ROBO1: variants seen among roughly 807,000 people sequenced by gnomAD.
The protein encoded by ROBO1 is roundabout guidance receptor 1.
In ROBO1, 149 loss-of-function variants were observed where a neutral mutation model predicts 195.9. The ratio of observed to expected loss-of-function variants is 0.76; its 90% CI spans 0.67 to 0.87. The LOEUF (loss-of-function observed/expected upper bound fraction) is 0.87, where lower values mean the gene tolerates loss of function less well. Ranked by LOEUF, ROBO1 falls within the 40% of genes least tolerant of loss-of-function variation. The pLI, the probability that ROBO1 is intolerant of heterozygous loss-of-function variation, is 0.00. For missense variants in ROBO1, 1,933 were observed against 2,068.3 expected, an observed-to-expected ratio of 0.93 and a Z score of 1.27; for synonymous variants, 816 against 733.2, an observed-to-expected ratio of 1.11 and a Z score of -1.82.
intron 27 of ROBO1, among the ~76,000 whole-genome samples, chr3:78,615,470 G>A (rs1405281350): frequency 6.6e-6 from 1 of 152,062 alleles, no homozygotes; most frequent in Non-Finnish European, 1.5e-5. Context: ...GTTTGGTTTT[G>A]GAGAAACAAT....
intron 4 of ROBO1, among the ~76,000 whole-genome samples, chr3:78,804,692 T>C (rs1340468799): frequency 1.5e-5 from 2 of 131,164 alleles, no homozygotes; most frequent in African/African-American, 5.8e-5. Flanking sequence ...GGGTGGGAAA[T>C]TGGGTTTCTG....
intron 3 of ROBO1, among the ~76,000 whole-genome samples, chr3:79,096,799 G>C (rs2079578798): frequency 6.6e-6 from 1 of 151,140 alleles, no homozygotes; most frequent in South Asian, 2.1e-4. Flanking sequence ...CAGCAAGGGA[G>C]CTGTCTTACC....
intron 5 of ROBO1, among the ~76,000 whole-genome samples, chr3:78,741,574 C>T (rs992436242): frequency 4.0e-5 from 6 of 151,792 alleles, no homozygotes; most frequent in East Asian, 1.9e-4. Context: ...TTCTTTTTTC[C>T]ACCCTAATAA....
At chr3:79,440,195 C>T (rs2039007830) in intron 2 of ROBO1, among the ~76,000 whole-genome samples, 1 of 151,984 alleles carries the variant, frequency 6.6e-6, no homozygotes, top group South Asian at 2.1e-4. Flanking sequence ...ATTCCCCTCC[C>T]CACTGGTTTA....
At chr3:79,104,073 G>A (rs946571407) in intron 3 of ROBO1, among the ~76,000 whole-genome samples, 2 of 151,674 alleles carry the variant, frequency 1.3e-5, no homozygotes, top group African/African-American at 4.8e-5. Context: ...CAAAACACCA[G>A]TGTTTTATCT....
At chr3:79,689,070 A>G (rs140326436) in intron 1 of ROBO1, among the ~76,000 whole-genome samples, 7 of 152,056 alleles carry the variant, frequency 4.6e-5, no homozygotes, top group African/African-American at 1.7e-4. Context: ...CTTACTGAAC[A>G]CGCGTTTTTT....
At chr3:79,503,004 A>C (rs1575928758) in intron 2 of ROBO1, among the ~76,000 whole-genome samples, 1 of 152,136 alleles carries the variant, frequency 6.6e-6, no homozygotes, top group African/African-American at 2.4e-5. Flanking sequence ...ACCAGATAAG[A>C]GAATAAAAGC....
chr3:79,214,789 T>C (rs536631670), intron 2 of ROBO1, among the ~76,000 whole-genome samples: 18 of 147,468 alleles, frequency 1.2e-4, no homozygotes, highest in African/African-American at 2.7e-4. Context: ...TATATATATA[T>C]ACACCATACC....
intron 3 of ROBO1, among the ~76,000 whole-genome samples, chr3:78,996,899 T>C (rs1249191424): frequency 6.6e-6 from 1 of 152,204 alleles, no homozygotes; most frequent in African/African-American, 2.4e-5. Flanking sequence ...TAAGTAGATA[T>C]TAACCTACCT....
At chr3:79,324,437 C>T (rs183058986) in intron 2 of ROBO1, among the ~76,000 whole-genome samples, 52 of 152,124 alleles carry the variant, frequency 3.4e-4, no homozygotes, top group Non-Finnish European at 5.3e-4. Context: ...TGATTAACAC[C>T]GTAGGATCTC....
intron 2 of ROBO1, among the ~76,000 whole-genome samples, chr3:79,177,209 C>A (rs951309275): frequency 1.3e-5 from 2 of 152,158 alleles, no homozygotes; most frequent in African/African-American, 4.8e-5. Context: ...TTCTTTCAAA[C>A]CAGCAGAATA....
At chr3:79,619,563 A>T (rs545030640) in intron 1 of ROBO1, among the ~76,000 whole-genome samples, 46 of 152,058 alleles carry the variant, frequency 3.0e-4, no homozygotes, top group Admixed American at 1.5e-3. Flanking sequence ...TCTGGCTTAC[A>T]GTTTTGTTCC....
chr3:79,008,941 T>A (rs1374983475), intron 3 of ROBO1, among the ~76,000 whole-genome samples: 4 of 143,574 alleles, frequency 2.8e-5, no homozygotes, highest in East Asian at 2.2e-4. Context: ...ATGGTTTTGT[T>A]TTGTTTTGTT....
intron 14 of ROBO1, 55 bp downstream of exon 14, chr3:78,667,828 A>G: frequency 6.5e-7 from 1 of 1,536,422 alleles, no homozygotes; most frequent in Non-Finnish European, 8.9e-7. Context: ...TGTCAGTGCA[A>G]TTATAACATC....
At chr3:78,633,395 G>A (rs1010374852) in intron 24 of ROBO1, among the ~76,000 whole-genome samples, 2 of 152,130 alleles carry the variant, frequency 1.3e-5, no homozygotes, top group African/African-American at 2.4e-5. Flanking sequence ...GCTTTGGGAG[G>A]CACTTACAGA....
intron 2 of ROBO1, among the ~76,000 whole-genome samples, chr3:79,565,754 G>A (rs543359131): frequency 6.6e-6 from 1 of 152,058 alleles, no homozygotes; most frequent in African/African-American, 2.4e-5. Context: ...TTTATTATGA[G>A]GATACTTTTG....
rs192586929 is a variant in ROBO1 at position 79,721,042 on chromosome 3, T to C, written c.-51+46710A>G. On this transcript the variant is annotated intron_variant, in intron 1 of 30. Coordinates refer to ENST00000464233, the MANE Select transcript of ROBO1 (RefSeq NM_002941.4). Reference sequence around the variant, plus strand: ...CTCCTGACCTCGTGATCCACCCGCCTTGGCCTCCCAAAGTGCTGGGATTAC... The same window carrying C: ...CTCCTGACCTCGTGATCCACCCGCCCTGGCCTCCCAAAGTGCTGGGATTAC... Among the ~76,000 whole-genome samples, 640 of 152,304 alleles carry C rather than the reference T, an allele frequency of 4.2e-3. 3 individuals are homozygous for C. The highest frequency in any genetic ancestry group is 0.011 in the Admixed American group (162 of 15,300).
intron 1 of ROBO1, among the ~76,000 whole-genome samples, chr3:79,703,154 A>C (rs891300039): frequency 1.3e-5 from 2 of 151,890 alleles, no homozygotes; most frequent in Non-Finnish European, 2.9e-5. Context: ...AGCATATGAA[A>C]ATGTCTCAAA....
chr3:79,215,656 T>C (rs556085677), intron 2 of ROBO1, among the ~76,000 whole-genome samples: 1 of 152,330 alleles, frequency 6.6e-6, no homozygotes, highest in Non-Finnish European at 1.5e-5. Context: ...AGTTCATCTA[T>C]TTGCATACAT....
Sources: allele counts gnomAD v4.1 joint callset (sites outside exome capture counted in the v4.1 genomes callset), GRCh38; gene constraint gnomAD v4.1.1; transcripts MANE v1.5; gene names NCBI Gene and HGNC (gene_info 2026-07-23, HGNC 2026-07-21).